The following ARID2 variants were observed in gnomAD, a reference collection of about 807,000 sequenced individuals.
ARID2 encodes AT-rich interactive domain-containing protein 2.
In ARID2, 32 loss-of-function variants were observed where a neutral mutation model predicts 184.6. The ratio of observed to expected loss-of-function variants is 0.17; its 90% confidence interval spans 0.13 to 0.23. The LOEUF is 0.23. Among genes scored for constraint, ARID2 ranks in the 10% least tolerant of loss-of-function variants. ARID2 has a pLI of 1.00. For synonymous variants in ARID2, 836 were observed against 772.6 expected (o/e 1.08, Z -1.36); for missense variants, 1,696 against 2,197.6 (o/e 0.77, Z 4.56).
At position 45,865,230 on chromosome 12, in the gene ARID2, T is replaced by C. The variant is rs760217457; in HGVS notation, c.4922+4281T>C. On this transcript the variant is annotated intron_variant, in intron 16 of 20. Transcript: ENST00000334344. ...GTACAACAAGGTTTTTACTTCGTTT[T>C]ATCATTTTCACACCTGTACCTTCTT... Among the ~76,000 whole-genome samples, 183 of 152,172 alleles carry C rather than the reference T, an allele frequency of 1.2e-3. 3 individuals carry two copies. Among genetic ancestry groups the C allele is most frequent in the Non-Finnish European group, 5.6e-4 (38 of 67,994 alleles).
In ARID2 at chr12:45,864,281, T is replaced by C. The variant is rs190709421; in HGVS notation, c.4922+3332T>C. Among the ~76,000 whole-genome samples the C allele has an allele frequency of 2.6e-3, 390 of 152,270 alleles. 3 individuals carry two copies. The highest frequency in any genetic ancestry group is 7.7e-3 in the Admixed American group (117 of 15,288). On this transcript the variant is annotated intron_variant, in intron 16 of 20. Transcript: ENST00000334344. ...AGTTAGGGACCTCACTCTTTAGATATAAATACTATATACCACCACCACCAC... is the reference window on the plus strand; with the variant it reads ...AGTTAGGGACCTCACTCTTTAGATACAAATACTATATACCACCACCACCAC...
At chr12:45,875,257 G>A (rs1375577637) in intron 16 of ARID2, among the ~76,000 whole-genome samples, 1 of 152,236 alleles carries the variant, frequency 6.6e-6, no homozygotes, top group Non-Finnish European at 1.5e-5. Flanking sequence ...TACATTGTCA[G>A]TGAGTGGTAC....
intron 3 of ARID2, among the ~76,000 whole-genome samples, chr12:45,802,785 A>G (rs1359659396): frequency 6.6e-6 from 1 of 152,164 alleles, no homozygotes; most frequent in Non-Finnish European, 1.5e-5. Context: ...AAAGTCACAA[A>G]GTAAATTTTG....
intron 12 of ARID2, among the ~76,000 whole-genome samples, chr12:45,847,944 T>C (rs527425318): frequency 1.3e-5 from 2 of 152,130 alleles, no homozygotes; most frequent in African/African-American, 4.8e-5. Context: ...TTATATCTAG[T>C]CTTTTTGAAA....
At chr12:45,880,792 C>T (rs1172053850) in intron 16 of ARID2, among the ~76,000 whole-genome samples, 1 of 152,108 alleles carries the variant, frequency 6.6e-6, no homozygotes, top group Non-Finnish European at 1.5e-5. Context: ...ATTCTCTGCC[C>T]CTACCCCAGT....
chr12:45,807,994 T>C (rs1942632933), intron 3 of ARID2, among the ~76,000 whole-genome samples: 1 of 152,226 alleles, frequency 6.6e-6, no homozygotes, highest in Non-Finnish European at 1.5e-5. Flanking sequence ...TTACAATATT[T>C]CACTAGTTTT....
chr12:45,735,418 C>CGTGTGTGTGTGTGTGT (rs56133410), intron 3 of ARID2, among the ~76,000 whole-genome samples: 13 of 141,398 alleles, frequency 9.2e-5, no homozygotes, highest in South Asian at 4.7e-4. Flanking sequence ...TAAACTGTAT[C>CGTGTGTGTGTGTGTGT]GTGTGTGTGT....
chr12:45,856,067 C>CTTTTTTTTTTTTTTTTTTTTTT lies in ARID2; in HGVS notation c.4773+3175_4773+3196dup, dbSNP rs930473740. The stretch of plus-strand genomic sequence containing the variant: ...ATGTACTCTTTTTCTTTCTTCTTTT[C>CTTTTTTTTTTTTTTTTTTTTTT]TTTTTTTTTTTTTTTTTTTTTTTTT... On this transcript the variant is annotated intron_variant, in intron 15 of 20. Coordinates refer to ENST00000334344, the MANE Select transcript of ARID2 (RefSeq NM_152641.4). 4.8e-4 allele frequency among the ~76,000 whole-genome samples: 36 copies of CTTTTTTTTTTTTTTTTTTTTTT among 74,616 alleles called. 1 individual carries two copies. The highest frequency in any genetic ancestry group is 7.7e-4 in the Admixed American group (4 of 5,190). The allele number at this position is 74,616 out of a possible 152,430, so 49.0% of individuals were successfully genotyped here.
chr12:45,905,215 A>G lies in ARID2; in HGVS notation c.*137A>G. On this transcript the variant is annotated 3_prime_UTR_variant, in exon 21 of 21. Transcript: ENST00000334344. ...TATCTCCTCCCATGATGCTGAGAGGAAGCTTCGTATTCTGATCTCTGAGTG... is the reference window on the plus strand; with the variant it reads ...TATCTCCTCCCATGATGCTGAGAGGGAGCTTCGTATTCTGATCTCTGAGTG... 1 of 851,428 alleles carries G rather than the reference A, an allele frequency of 1.2e-6. No homozygotes were observed. The allele number at this position is 851,428 out of a possible 1,614,324, so 52.7% of individuals were successfully genotyped here.
At chr12:45,877,693 A>G (rs1490816493) in intron 16 of ARID2, among the ~76,000 whole-genome samples, 1 of 152,030 alleles carries the variant, frequency 6.6e-6, no homozygotes, top group Non-Finnish European at 1.5e-5. Context: ...TGTCCTTTAC[A>G]TACTGTCACT....
chr12:45,772,782 G>A (rs918592557), intron 3 of ARID2, among the ~76,000 whole-genome samples: 15 of 152,292 alleles, frequency 9.8e-5, no homozygotes, highest in African/African-American at 3.4e-4. Flanking sequence ...AAGGGAGAAA[G>A]AGGCAATTTA....
At chr12:45,796,166 C>T (rs189645115) in intron 3 of ARID2, among the ~76,000 whole-genome samples, 2 of 151,858 alleles carry the variant, frequency 1.3e-5, no homozygotes, top group African/African-American at 4.8e-5. Context: ...ACTCCTTTTT[C>T]CTTGATAAAA....
rs1444976628 is a variant in ARID2 at position 45,799,960 on chromosome 12, C to T, written c.285-11458C>T. On this transcript the variant is annotated intron_variant, in intron 3 of 20. Transcript: ENST00000334344. ...TACTTCCCAGGCTCAAGTGATTCTCCCACCTTAGCCCTCCGAGTAGCTGGG... is the reference window on the plus strand; with the variant it reads ...TACTTCCCAGGCTCAAGTGATTCTCTCACCTTAGCCCTCCGAGTAGCTGGG... 2.0e-5 allele frequency among the ~76,000 whole-genome samples: 3 copies of T among 152,222 alleles called. 1 individual carries two copies. The South Asian group carries it at 6.2e-4, about 32-fold the overall frequency.
intron 3 of ARID2, among the ~76,000 whole-genome samples, chr12:45,799,726 A>G (rs994062531): frequency 2.6e-5 from 4 of 152,282 alleles, no homozygotes; most frequent in Non-Finnish European, 4.4e-5. Flanking sequence ...GGTAATCAAT[A>G]TAACAAAAAC....
At chr12:45,774,696 A>G (rs998835993) in intron 3 of ARID2, among the ~76,000 whole-genome samples, 1 of 152,160 alleles carries the variant, frequency 6.6e-6, no homozygotes, top group Non-Finnish European at 1.5e-5. Context: ...TATTACAGGA[A>G]GTGAGTTCAG....
At position 45,851,704 on chromosome 12, in the gene ARID2, A is replaced by G; in HGVS notation, c.3581A>G (p.Gln1194Arg). 1 of 1,614,172 alleles carries G rather than the reference A, an allele frequency of 6.2e-7. No homozygotes were observed. Among genetic ancestry groups the G allele is most frequent in the African/African-American group, 1.3e-5 (1 of 75,068 alleles). Residue 1194 changes from glutamine to arginine, a missense_variant, in exon 15 of 21, where the codon CAG becomes CGG. Gln to Arg is a conservative substitution (Grantham distance 43, BLOSUM62 1). Around this residue, in one of 11 missense-constraint regions of ARID2, gnomAD observed 428 missense variants for 409.1 expected, o/e 1.05. Coordinates refer to ENST00000334344, the MANE Select transcript of ARID2 (RefSeq NM_152641.4). ...PATVSQGNAT[Q>R]LIAPAGITMS... is the part of the protein sequence containing the mutation. ...ACTGTGAGTCAGGGAAATGCAACTC[A>G]GCTCATTGCTCCAGCAGGAATTACC...
intron 3 of ARID2, among the ~76,000 whole-genome samples, chr12:45,752,053 C>G (rs1941474894): frequency 6.6e-6 from 1 of 152,092 alleles, no homozygotes; most frequent in African/African-American, 2.4e-5. Context: ...AGATATAACC[C>G]ATTAGGTGCC....
intron 16 of ARID2, among the ~76,000 whole-genome samples, chr12:45,867,963 G>A (rs1945044350): frequency 6.6e-6 from 1 of 151,950 alleles, no homozygotes; most frequent in South Asian, 2.1e-4. Flanking sequence ...TAGTTTTATT[G>A]CCCTAAAAAT....
chr12:45,844,629 A>G (rs991817676), intron 11 of ARID2, among the ~76,000 whole-genome samples: 8 of 152,238 alleles, frequency 5.3e-5, no homozygotes, highest in African/African-American at 1.9e-4. Flanking sequence ...ACGTTACACT[A>G]TAACAATAAT....
Sources: gnomAD v4.1 joint callset for allele counts (sites outside exome capture counted in the v4.1 genomes callset) on GRCh38, gnomAD v4.1.1 for gene constraint, gnomAD v4.1.1 regional missense constraint, MANE v1.5 for transcripts, NCBI Gene and HGNC (gene_info 2026-07-23, HGNC 2026-07-21) for gene names.